Variants in STX7 observed in about 807,000 individuals in gnomAD.
The protein encoded by STX7 is syntaxin-7.
STX7 carries 34 observed loss-of-function variants against 39.6 expected under a neutral mutation model. That is an observed-to-expected ratio of 0.86 (90% confidence interval 0.65 to 1.14). The LOEUF is 1.14. STX7 is among the 50% of genes most tolerant of loss of function. The pLI is 0.00. For missense variants in STX7, 284 were observed against 310.4 expected (o/e 0.92, Z 0.64); for synonymous variants, 119 against 99.1 (o/e 1.20, Z -1.19).
chr6:132,507,522 G>T (rs1217913665), intron 1 of STX7, among the ~76,000 whole-genome samples: 1 of 152,158 alleles, frequency 6.6e-6, no homozygotes, highest in Non-Finnish European at 1.5e-5. Context: ...TATCTTTATA[G>T]CTTTGCTATT....
chr6:132,464,385 G>T (rs1774504509), intron 8 of STX7, among the ~76,000 whole-genome samples: 1 of 152,168 alleles, frequency 6.6e-6, no homozygotes, highest in Non-Finnish European at 1.5e-5. Flanking sequence ...TATCAAATCA[G>T]TGTCAGCACA....
chr6:132,474,503 T>C (rs1774820807), intron 3 of STX7, among the ~76,000 whole-genome samples: 1 of 152,194 alleles, frequency 6.6e-6, no homozygotes, highest in African/African-American at 2.4e-5. Context: ...ACCTATCTTT[T>C]AATATCGTCC....
At chr6:132,493,040 G>A (rs1242866678) in intron 2 of STX7, among the ~76,000 whole-genome samples, 2 of 152,144 alleles carry the variant, frequency 1.3e-5, no homozygotes. Flanking sequence ...CCACAGACTA[G>A]GACAGTATCT....
chr6:132,497,320 C>A (rs1664186551), intron 2 of STX7, among the ~76,000 whole-genome samples: 1 of 152,042 alleles, frequency 6.6e-6, no homozygotes, highest in Non-Finnish European at 1.5e-5. Context: ...TAAAATAATT[C>A]TATTTGATTA....
rs1283637856 is a variant in STX7 at position 132,454,550 on chromosome 6, T to G, written c.*6208A>C. ...TAGTTAAAAATACTAGCATTAAACA[T>G]ATTTTATACTTTATAAAGAATGGGC... On this transcript the variant is annotated 3_prime_UTR_variant, in exon 10 of 10. Transcript: ENST00000367941. 6.6e-6 allele frequency: 1 copy of G among 152,222 alleles called. No individual in the cohort carries two copies. The highest frequency in any genetic ancestry group is 1.5e-5 in the Non-Finnish European group (1 of 68,018). 9.4% of individuals were successfully genotyped at this position (152,222 alleles called of 1,614,324 possible). A position where few individuals can be genotyped will look rare whatever the true frequency, so the allele number is the denominator to read the frequency against.
chr6:132,465,810 C>T lies in STX7; in HGVS notation c.611-1735G>A, dbSNP rs183607561. ...TGTTGCCAGGAAGAACTATATACCCCGAGCAAGAGCCAAATTTTCCATTTG... is the reference window on the plus strand; with the variant it reads ...TGTTGCCAGGAAGAACTATATACCCTGAGCAAGAGCCAAATTTTCCATTTG... On this transcript the variant is annotated intron_variant, in intron 8 of 9. Coordinates refer to ENST00000367941, the MANE Select transcript of STX7 (RefSeq NM_003569.3). Among the ~76,000 whole-genome samples, 695 of 152,242 alleles carry T rather than the reference C, an allele frequency of 4.6e-3. 7 individuals are homozygous for T. Among genetic ancestry groups the T allele is most frequent in the Non-Finnish European group, 8.1e-3 (550 of 68,010 alleles).
rs555107325 is a variant in STX7, at chr6:132,470,735, G to A, written c.388-109C>T. 2.8e-4 allele frequency: 203 copies of A among 716,274 alleles called. 3 individuals carry two copies. In the Admixed American group the frequency reaches 3.8e-3, roughly 13 times the overall value. 44.4% of individuals were successfully genotyped at this position (716,274 alleles called of 1,614,324 possible). On this transcript the variant is annotated intron_variant, in intron 5 of 9. Transcript: ENST00000367941. ...TAATAAACTAAACTGATTTATGTAC[G>A]TGTCTGTGTGTATGTGTGTGTGTGT... is the stretch of plus-strand genomic sequence containing the variant.
At position 132,484,643 on chromosome 6, in the gene STX7, C is replaced by A. The variant is rs544760602; in HGVS notation, c.86-8981G>T. Reference sequence around the variant, plus strand: ...ACGTAAAATAACCAACTTGTAACAGCCAAACATAGAAAAAAAAATAATGGT... The same window carrying A: ...ACGTAAAATAACCAACTTGTAACAGACAAACATAGAAAAAAAAATAATGGT... On this transcript the variant is annotated intron_variant, in intron 2 of 9. Transcript: ENST00000367941. Among the ~76,000 whole-genome samples, 17 of 152,146 alleles carry A rather than the reference C, an allele frequency of 1.1e-4. No homozygotes were observed. The South Asian group carries it at 3.5e-3, about 32-fold the overall frequency.
In STX7 at chr6:132,448,132, C is replaced by T. The variant is rs566583865; in HGVS notation, c.*12626G>A. On this transcript the variant is annotated 3_prime_UTR_variant, in exon 10 of 10. Coordinates refer to ENST00000367941, the MANE Select transcript of STX7 (RefSeq NM_003569.3). ...TAAAGAGTATCAGGATCTTGGAGCACTCACACTAACTTCTAAGTGCTCCCG... is the reference window on the plus strand; with the variant it reads ...TAAAGAGTATCAGGATCTTGGAGCATTCACACTAACTTCTAAGTGCTCCCG... 4.6e-5 allele frequency: 7 copies of T among 152,296 alleles called. No individual in the cohort carries two copies. The highest frequency in any genetic ancestry group is 1.7e-4 in the African/African-American group (7 of 41,552). 9.4% of individuals were successfully genotyped at this position (152,296 alleles called of 1,614,324 possible). A position where few individuals can be genotyped will look rare whatever the true frequency, so the allele number is the denominator to read the frequency against.
In STX7 at chr6:132,470,016, C is replaced by G; in HGVS notation, c.472G>C (p.Glu158Gln). 6.3e-7 allele frequency: 1 copy of G among 1,591,714 alleles called. No individual in the cohort carries two copies. ...QTQPQVQVQD[E>Q]EITEDDLRLI... is the part of the protein sequence containing the mutation. ...CGGAGGTCATCCTCTGTAATTTCTT[C>G]ATCCTGCACCTGCACTTGAGGTTGA... Residue 158 changes from glutamate (E) to glutamine (Q), a missense_variant, in exon 7 of 10, where the codon GAA (glutamate) becomes CAA (glutamine). Glu to Gln is a conservative substitution (Grantham distance 29). Transcript: ENST00000367941.
Position 132,464,025 on chromosome 6 carries a change from T to G in STX7, c.661A>C (p.Asn221His). ...ENAEVHVQQA[N>H]QQLSRAADYQ... is the part of the protein sequence containing the mutation. ...TCTGCTGCCCTTGACAGCTGCTGAT[T>G]TGCTTGCTGAACGTGCACCTCTGCA... is the stretch of plus-strand genomic sequence containing the variant. The change falls in exon 9 of 10, where the codon AAT becomes CAT. Residue 221 changes from asparagine to histidine, a missense_variant. By Grantham distance (68) the Asn-to-His change is moderately conservative. Coordinates refer to ENST00000367941, the MANE Select transcript of STX7 (RefSeq NM_003569.3). 3 of 1,614,142 alleles carry G rather than the reference T, an allele frequency of 1.9e-6. No homozygotes were observed. Among genetic ancestry groups the G allele is most frequent in the Non-Finnish European group, 2.5e-6 (3 of 1,180,000 alleles).
chr6:132,491,798 TC>T (rs902789913), intron 2 of STX7, among the ~76,000 whole-genome samples: 2 of 152,094 alleles, frequency 1.3e-5, no homozygotes, highest in Admixed American at 1.3e-4. Context: ...CTCCTGCATG[TC>T]CAGCTCACTC....
In STX7 at chr6:132,472,389, A is replaced by G. The variant is rs751077600; in HGVS notation, c.156-14T>C. 18 of 1,593,942 alleles carry G rather than the reference A, an allele frequency of 1.1e-5. No individual in the cohort carries two copies. The South Asian group carries it at 1.9e-4, about 17-fold the overall frequency. On this transcript the variant is annotated splice_polypyrimidine_tract_variant and intron_variant, in intron 3 of 9. Coordinates refer to ENST00000367941, the MANE Select transcript of STX7 (RefSeq NM_003569.3). The stretch of plus-strand genomic sequence containing the variant: ...TGCTTCTGTTGCCTAAAGTGAGAAA[A>G]CACGCATTACAGCCAAAGGACTAAT...
Position 132,479,589 on chromosome 6 carries a change from A to T in STX7, c.86-3927T>A, listed in dbSNP as rs1247931980. Among the ~76,000 whole-genome samples, 9 of 151,986 alleles carry T rather than the reference A, an allele frequency of 5.9e-5. No individual in the cohort carries two copies. In the East Asian group the frequency reaches 1.5e-3, roughly 26 times the overall value. On this transcript the variant is annotated intron_variant, in intron 2 of 9. Coordinates refer to ENST00000367941, the MANE Select transcript of STX7 (RefSeq NM_003569.3). The stretch of plus-strand genomic sequence containing the variant: ...ACGTATGTCAGTCAGCCTATCCCTC[A>T]CCCCAACTCCTGAAGCACTTGTTCA...
chr6:132,461,811 ATTTC>A, intron 9 of STX7: 4 of 1,525,788 alleles, frequency 2.6e-6, no homozygotes, highest in Non-Finnish European at 3.5e-6. Flanking sequence ...TCAGTTGTAG[ATTTC>A]TTTAATGGCG....
At chr6:132,466,160 C>T (rs919243684) in intron 8 of STX7, among the ~76,000 whole-genome samples, 3 of 152,242 alleles carry the variant, frequency 2.0e-5, no homozygotes, top group Non-Finnish European at 4.4e-5. Flanking sequence ...CAACACAGCT[C>T]GTATTGAGGT....
At chr6:132,478,049 A>T (rs1774917253) in intron 2 of STX7, among the ~76,000 whole-genome samples, 1 of 152,170 alleles carries the variant, frequency 6.6e-6, no homozygotes, top group Non-Finnish European at 1.5e-5. Context: ...CATAATATAT[A>T]AGAAAGAGGG....
Position 132,509,770 on chromosome 6 carries a change from A to T in STX7, c.-59+3237T>A, listed in dbSNP as rs6908629. 8.8e-3 allele frequency among the ~76,000 whole-genome samples: 1,342 copies of T among 152,276 alleles called. 21 individuals are homozygous for T. Among genetic ancestry groups the T allele is most frequent in the African/African-American group, 0.03 (1,249 of 41,540 alleles). Reference sequence around the variant, plus strand: ...AGGAACCAAATGGTTGTCTTTAAAAAATATATATACAAGCATAGACAGACA... The same window carrying T: ...AGGAACCAAATGGTTGTCTTTAAAATATATATATACAAGCATAGACAGACA... On this transcript the variant is annotated intron_variant, in intron 1 of 9. Transcript: ENST00000367941.
At chr6:132,473,388 T>G (rs570300384) in intron 3 of STX7, among the ~76,000 whole-genome samples, 1 of 152,260 alleles carries the variant, frequency 6.6e-6, no homozygotes, top group South Asian at 2.1e-4. Context: ...AGCATTTGCA[T>G]ATAACCTATG....
Sources: allele counts gnomAD v4.1 joint callset (sites outside exome capture counted in the v4.1 genomes callset), GRCh38; gene constraint gnomAD v4.1.1; transcripts MANE v1.5; gene names NCBI Gene and HGNC (gene_info 2026-07-23, HGNC 2026-07-21).